Variants in DAPK2 observed in about 807,000 individuals in gnomAD.
The protein encoded by DAPK2 is death-associated protein kinase 2.
In DAPK2, 35 loss-of-function variants were observed where a neutral mutation model predicts 44.1. The observed-to-expected ratio is 0.79, with a 90% CI of 0.61 to 1.05. DAPK2 has a LOEUF of 1.05. Among genes scored for constraint, DAPK2 ranks in the 50% least tolerant of loss-of-function variants. DAPK2 has a pLI of 0.00. For missense variants in DAPK2, 453 were observed against 483.2 expected (o/e 0.94, Z 0.59); for synonymous variants, 174 against 182.6 (o/e 0.95, Z 0.38).
chr15:63,992,761 C>T (rs538458299), intron 1 of DAPK2, among the ~76,000 whole-genome samples: 5 of 152,302 alleles, frequency 3.3e-5, no homozygotes, highest in East Asian at 1.9e-4. Context: ...AGGGACCAGT[C>T]GGGCTCAGTT....
At chr15:64,002,974 C>CTGTGTGTGTGTGTGTGTGTGTGTGTG (rs58879927) in intron 1 of DAPK2, among the ~76,000 whole-genome samples, 2 of 51,594 alleles carry the variant, frequency 3.9e-5, no homozygotes, top group Non-Finnish European at 4.7e-5. Flanking sequence ...GTCGTGGGAC[C>CTGTGTGTGTGTGTGTGTGTGTGTGTG]TGTGTGTGTG....
chr15:63,943,463 A>G (rs1158571523), intron 3 of DAPK2, among the ~76,000 whole-genome samples: 1 of 152,202 alleles, frequency 6.6e-6, no homozygotes, highest in African/African-American at 2.4e-5. Context: ...CTATAACATT[A>G]GTTTGTATTA....
intron 1 of DAPK2, among the ~76,000 whole-genome samples, chr15:64,033,325 G>GAAGGAAGGAAGA (rs1438177286): frequency 7.3e-6 from 1 of 137,186 alleles, no homozygotes; most frequent in Non-Finnish European, 1.6e-5. Flanking sequence ...AGGAAGGAAG[G>GAAGGAAGGAAGA]AAAAAAAAAA....
chr15:64,021,242 C>T (rs1367674731), intron 1 of DAPK2, among the ~76,000 whole-genome samples: 2 of 152,150 alleles, frequency 1.3e-5, no homozygotes, highest in Non-Finnish European at 2.9e-5. Flanking sequence ...CCCAGGCTCA[C>T]GTCAGCACAG....
intron 1 of DAPK2, among the ~76,000 whole-genome samples, chr15:64,029,347 C>G (rs1385388626): frequency 6.6e-6 from 1 of 152,118 alleles, no homozygotes; most frequent in Non-Finnish European, 1.5e-5. Flanking sequence ...CACCCAGGGC[C>G]CCTTGTAGTC....
At position 63,927,587 on chromosome 15, in the gene DAPK2, C is replaced by T. The variant is rs556767452; in HGVS notation, c.660-1494G>A. Among the ~76,000 whole-genome samples, 5 of 152,318 alleles carry T rather than the reference C, an allele frequency of 3.3e-5. No homozygotes were observed. In the East Asian group the frequency reaches 9.7e-4, roughly 29 times the overall value. On this transcript the variant is annotated intron_variant, in intron 6 of 10. Transcript: ENST00000261891. ...TGTGAGTTAGGTGTATGGTGTGTCT[C>T]CCACAGACAGGGAGCCCCAGCAAGC...
chr15:64,012,590 C>T (rs1241689942), intron 1 of DAPK2, among the ~76,000 whole-genome samples: 4 of 152,238 alleles, frequency 2.6e-5, no homozygotes, highest in East Asian at 3.8e-4. Context: ...AAAAGATACA[C>T]ATACCTGATC....
chr15:63,970,554 G>T (rs925752061), intron 3 of DAPK2, among the ~76,000 whole-genome samples: 5 of 152,034 alleles, frequency 3.3e-5, no homozygotes, highest in Non-Finnish European at 5.9e-5. Context: ...CTACACTAAG[G>T]TTCCTGGAAA....
chr15:64,024,675 G>A (rs1379180596), intron 1 of DAPK2, among the ~76,000 whole-genome samples: 1 of 152,096 alleles, frequency 6.6e-6, no homozygotes, highest in Non-Finnish European at 1.5e-5. Flanking sequence ...TTCTGCCTGG[G>A]TCTCTCCACT....
chr15:64,041,503 G>A (rs532074466), upstream of DAPK2, among the ~76,000 whole-genome samples: 1 of 152,320 alleles, frequency 6.6e-6, no homozygotes, highest in South Asian at 2.1e-4. Context: ...AACATCCCAA[G>A]AGCAGGGCGC....
intron 7 of DAPK2, 63 bp downstream of exon 8, chr15:63,925,878 T>C: frequency 6.2e-7 from 1 of 1,606,538 alleles, no homozygotes. Flanking sequence ...CTGACAGGTC[T>C]TTGACAGAGG....
intron 1 of DAPK2, among the ~76,000 whole-genome samples, chr15:64,021,601 C>T (rs569602661): frequency 1.9e-4 from 29 of 152,250 alleles, no homozygotes; most frequent in African/African-American, 6.7e-4. Flanking sequence ...TAAAATGTGG[C>T]CCCGTCTTCA....
In DAPK2 at chr15:63,917,843, A is replaced by G. The variant is rs930525956; in HGVS notation, c.859-5646T>C. ...GCAACCCTCTTACCCTTTCTCAATC[A>G]GAATTCCTCTCTCCTTTGATTTCTA... On this transcript the variant is annotated intron_variant, in intron 8 of 10. Transcript: ENST00000261891. The surrounding 1 kb of genome is among the most constrained non-coding windows in gnomAD (Gnocchi z 4.4). 2 of 152,084 alleles carry G rather than the reference A, an allele frequency of 1.3e-5. No individual in the cohort carries two copies. The highest frequency in any genetic ancestry group is 4.8e-5 in the African/African-American group (2 of 41,382). 9.4% of individuals were successfully genotyped at this position (152,084 alleles called of 1,614,324 possible). A position where few individuals can be genotyped will look rare whatever the true frequency, so the allele number is the denominator to read the frequency against.
intron 1 of DAPK2, among the ~76,000 whole-genome samples, chr15:63,986,126 C>T (rs187225006): frequency 6.6e-6 from 1 of 152,362 alleles, no homozygotes; most frequent in East Asian, 1.9e-4. Flanking sequence ...TGGTGTCCCC[C>T]ACTCCTTGGG....
intron 1 of DAPK2, among the ~76,000 whole-genome samples, chr15:64,024,353 G>T (rs2079774945): frequency 6.6e-6 from 1 of 152,192 alleles, no homozygotes; most frequent in Non-Finnish European, 1.5e-5. Flanking sequence ...AGGAAGATGT[G>T]AGCATGCCCT....
In DAPK2 at chr15:63,923,026, G is replaced by C; in HGVS notation, c.858+1790C>G. ...GCTTCTTCAATGACTCCACCTTGCG[G>C]AACTCATACCTGAGCTGGGACAGGT... On this transcript the variant is annotated intron_variant, in intron 8 of 10. Coordinates refer to ENST00000261891, the Ensembl canonical transcript of DAPK2. The surrounding 1 kb of genome is among the most constrained non-coding windows in gnomAD (Gnocchi z 4.2). 6.5e-7 allele frequency: 1 copy of C among 1,535,858 alleles called. No homozygotes were observed. Among genetic ancestry groups the C allele is most frequent in the Non-Finnish European group, 8.7e-7 (1 of 1,146,742 alleles).
intron 1 of DAPK2, among the ~76,000 whole-genome samples, chr15:64,011,403 A>G (rs1333330744): frequency 6.6e-6 from 1 of 152,188 alleles, no homozygotes; most frequent in East Asian, 1.9e-4. Context: ...CTAACTAAAA[A>G]TACAAAAATT....
chr15:64,018,951 T>C (rs332284), intron 1 of DAPK2, among the ~76,000 whole-genome samples: 5,691 of 152,310 alleles, frequency 0.037, 331 homozygotes, highest in African/African-American at 0.13. Context: ...TCTCCTGGCC[T>C]TGGTTTCCTC....
At position 64,012,335 on chromosome 15, in the gene DAPK2, A is replaced by T. The variant is rs192409747; in HGVS notation, c.92+27835T>A. ...AGAAATGTGATAAATCGATGCACTA[A>T]CAATTCCATTTTCCAGAATTTATCT... On this transcript the variant is annotated intron_variant, in intron 1 of 10. Transcript: ENST00000261891. 8.5e-5 allele frequency among the ~76,000 whole-genome samples: 13 copies of T among 152,344 alleles called. No homozygotes were observed. In the East Asian group the frequency reaches 2.5e-3, roughly 29 times the overall value.
Sources: gnomAD v4.1 joint callset for allele counts (sites outside exome capture counted in the v4.1 genomes callset) on GRCh38, gnomAD v4.1.1 for gene constraint, Gnocchi (gnomAD v3.1) non-coding constraint, MANE v1.5 for transcripts, NCBI Gene and HGNC (gene_info 2026-07-23, HGNC 2026-07-21) for gene names.